NRG3: variants seen among roughly 807,000 people sequenced by gnomAD.
NRG3 encodes the protein neuregulin 3, also known as pro-neuregulin-3, membrane-bound isoform.
Under a neutral mutation model 66.9 loss-of-function variants are expected in NRG3, and 31 were observed. That is an observed-to-expected ratio of 0.46 (90% CI 0.35 to 0.63). The LOEUF (loss-of-function observed/expected upper bound fraction) is 0.63. Ranked by LOEUF, NRG3 falls within the 20% of genes least tolerant of loss-of-function variation. NRG3 has a pLI of 0.00. For missense variants in NRG3, 910 were observed against 878.9 expected, an observed-to-expected ratio of 1.04 and a Z score of -0.45; for synonymous variants, 393 against 359.4, an observed-to-expected ratio of 1.09 and a Z score of -1.06.
chr10:82,685,894 T>TCTA (rs1437526355), intron 2 of NRG3, among the ~76,000 whole-genome samples: 1 of 152,210 alleles, frequency 6.6e-6, no homozygotes, highest in African/African-American at 2.4e-5. Flanking sequence ...ATCGTCATCC[T>TCTA]CTACTACATC....
intron 2 of NRG3, among the ~76,000 whole-genome samples, chr10:82,432,260 A>G (rs1184309491): frequency 2.0e-5 from 3 of 152,080 alleles, no homozygotes; most frequent in Admixed American, 2.0e-4. Context: ...ACTTCTCCTC[A>G]TTCTTTCCTC....
chr10:82,386,156 G>A (rs1043221611), intron 2 of NRG3, among the ~76,000 whole-genome samples: 1 of 151,780 alleles, frequency 6.6e-6, no homozygotes, highest in East Asian at 1.9e-4. Context: ...GTCTAACATG[G>A]GCATTTTTAA....
At chr10:82,642,469 T>C (rs748116151) in intron 2 of NRG3, among the ~76,000 whole-genome samples, 11 of 152,086 alleles carry the variant, frequency 7.2e-5, no homozygotes, top group African/African-American at 2.7e-4. Flanking sequence ...GAACTAGTAT[T>C]GTTTAAAAAA....
In NRG3 at chr10:82,368,817, A is replaced by C. The variant is rs1454546969; in HGVS notation, c.953+9949A>C. Among the ~76,000 whole-genome samples the C allele has an allele frequency of 1.4e-5, 2 of 139,184 alleles. 1 individual carries two copies. The highest frequency in any genetic ancestry group is 6.6e-5 in the African/African-American group (2 of 30,258). 91.3% of individuals were successfully genotyped at this position (139,184 alleles called of 152,430 possible). On this transcript the variant is annotated intron_variant, in intron 2 of 8. Transcript: ENST00000372141. Reference sequence around the variant, plus strand: ...TTATTTTAGCCAGAGATGATCTATCAGTACAAATGTGAACAGTAACCTTGG... The same window carrying C: ...TTATTTTAGCCAGAGATGATCTATCCGTACAAATGTGAACAGTAACCTTGG...
rs145296865 is a variant in NRG3, at chr10:82,713,943, G to A, written c.954-24634G>A. 5.9e-5 allele frequency among the ~76,000 whole-genome samples: 9 copies of A among 152,060 alleles called. No individual in the cohort carries two copies. In the East Asian group the frequency reaches 1.8e-3, roughly 30 times the overall value. The stretch of plus-strand genomic sequence containing the variant: ...TCCTGAAGATGTGGATGGATGCCCT[G>A]CTGTCCCAGAGACAGACCTGAAGGA... On this transcript the variant is annotated intron_variant, in intron 2 of 8. Coordinates refer to ENST00000372141, the MANE Select transcript of NRG3 (RefSeq NM_001010848.4).
At chr10:82,679,248 G>T (rs929910284) in intron 2 of NRG3, among the ~76,000 whole-genome samples, 2 of 152,124 alleles carry the variant, frequency 1.3e-5, no homozygotes, top group Admixed American at 6.5e-5. Flanking sequence ...TGTAGCCAAG[G>T]TCTATTATAA....
intron 2 of NRG3, among the ~76,000 whole-genome samples, chr10:82,686,818 C>CA (rs2054551960): frequency 1.3e-5 from 2 of 152,114 alleles, no homozygotes; most frequent in African/African-American, 4.8e-5. Context: ...CCTGGTTTGA[C>CA]AAAAATCACT....
At chr10:82,094,606 T>C (rs1336314632) in intron 1 of NRG3, among the ~76,000 whole-genome samples, 1 of 152,218 alleles carries the variant, frequency 6.6e-6, no homozygotes, top group Admixed American at 6.5e-5. Flanking sequence ...CAATGGATGG[T>C]TGGATAAAGA....
At chr10:82,112,223 A>G (rs2067428384) in intron 1 of NRG3, among the ~76,000 whole-genome samples, 1 of 152,190 alleles carries the variant, frequency 6.6e-6, no homozygotes, top group Non-Finnish European at 1.5e-5. Context: ...AGCTTGGGCA[A>G]CAGAGTGAGA....
intron 2 of NRG3, among the ~76,000 whole-genome samples, chr10:82,526,973 A>G (rs1846762960): frequency 6.6e-6 from 1 of 152,096 alleles, no homozygotes; most frequent in South Asian, 2.1e-4. Flanking sequence ...ATATCTATTG[A>G]TAGTATGTTT....
intron 1 of NRG3, among the ~76,000 whole-genome samples, chr10:82,275,290 C>T (rs1458049407): frequency 6.6e-6 from 1 of 151,834 alleles, no homozygotes; most frequent in Non-Finnish European, 1.5e-5. Context: ...CCTGAGTTGC[C>T]AAGAGCATAG....
At chr10:82,286,898 T>A (rs1326563893) in intron 1 of NRG3, among the ~76,000 whole-genome samples, 1 of 152,176 alleles carries the variant, frequency 6.6e-6, no homozygotes, top group South Asian at 2.1e-4. Flanking sequence ...ATATAACCAT[T>A]TCTTATAGGA....
At chr10:82,572,718 T>C (rs999464245) in intron 2 of NRG3, among the ~76,000 whole-genome samples, 5 of 151,696 alleles carry the variant, frequency 3.3e-5, no homozygotes, top group African/African-American at 1.2e-4. Context: ...AAAATGTGAA[T>C]ACCTGATCAG....
At position 82,127,597 on chromosome 10, in the gene NRG3, G is replaced by A. The variant is rs555177757; in HGVS notation, c.824-231142G>A. 2.0e-5 allele frequency among the ~76,000 whole-genome samples: 3 copies of A among 152,100 alleles called. No individual in the cohort carries two copies. The South Asian group carries it at 6.2e-4, about 32-fold the overall frequency. Reference sequence around the variant, plus strand: ...GTTAATACTTTGGGCACAGATATTTGGCTAACTTCCTTGTAAATATGCACA... The same window carrying A: ...GTTAATACTTTGGGCACAGATATTTAGCTAACTTCCTTGTAAATATGCACA... On this transcript the variant is annotated intron_variant, in intron 1 of 8. Coordinates refer to ENST00000372141, the MANE Select transcript of NRG3 (RefSeq NM_001010848.4).
chr10:82,685,744 T>A (rs768433206), intron 2 of NRG3, among the ~76,000 whole-genome samples: 7 of 151,872 alleles, frequency 4.6e-5, no homozygotes, highest in Non-Finnish European at 8.8e-5. Flanking sequence ...AAATATTTTC[T>A]CTCTGTATAT....
At chr10:82,070,366 G>GT (rs2064736984) in intron 1 of NRG3, among the ~76,000 whole-genome samples, 1 of 152,060 alleles carries the variant, frequency 6.6e-6, no homozygotes, top group Non-Finnish European at 1.5e-5. Context: ...TATTTAAGGG[G>GT]TTTTGCTATT....
In NRG3 at chr10:82,538,466, TA is replaced by T. The variant is rs1231267230; in HGVS notation, c.953+179602del. Among the ~76,000 whole-genome samples, 3 of 152,188 alleles carry T rather than the reference TA, an allele frequency of 2.0e-5. No individual in the cohort carries two copies. In the East Asian group the frequency reaches 5.8e-4, roughly 29 times the overall value. ...CCAGAGTTCTGTCTGCTTTTCCTTT[TA>T]AAATATCTTACCATGATATAATCAG... On this transcript the variant is annotated intron_variant, in intron 2 of 8. Coordinates refer to ENST00000372141, the MANE Select transcript of NRG3 (RefSeq NM_001010848.4).
intron 4 of NRG3, among the ~76,000 whole-genome samples, chr10:82,898,280 C>T (rs1239716048): frequency 1.3e-5 from 2 of 152,204 alleles, no homozygotes; most frequent in African/African-American, 4.8e-5. Flanking sequence ...CCCAAACCCC[C>T]TCACAGTGTT....
intron 1 of NRG3, among the ~76,000 whole-genome samples, chr10:81,935,389 G>C (rs981386357): frequency 6.6e-6 from 1 of 152,130 alleles, no homozygotes; most frequent in South Asian, 2.1e-4. Flanking sequence ...ACCAGATGAC[G>C]ATTTTTGTTT....
Sources: allele counts gnomAD v4.1 joint callset (sites outside exome capture counted in the v4.1 genomes callset), GRCh38; gene constraint gnomAD v4.1.1; transcripts MANE v1.5; gene names NCBI Gene and HGNC (gene_info 2026-07-23, HGNC 2026-07-21).